Variants in MVP observed in about 807,000 individuals in gnomAD.
MVP encodes lung resistance-related protein.
MVP carries 62 observed loss-of-function variants against 83.5 expected under a neutral mutation model. The observed-to-expected ratio is 0.74, with a 90% CI of 0.61 to 0.92. The LOEUF (loss-of-function observed/expected upper bound fraction) is 0.92, where lower values mean the gene tolerates loss of function less well. Among genes scored for constraint, MVP ranks in the 40% least tolerant of loss-of-function variants. MVP has a pLI of 0.00. For missense variants in MVP, 1,000 were observed against 1,203.4 expected (o/e 0.83, Z 2.50); for synonymous variants, 505 against 504.1 (o/e 1.00, Z -0.02).
intron 11 of MVP, among the ~76,000 whole-genome samples, chr16:29,845,467 G>A (rs916107377): frequency 2.2e-4 from 33 of 151,938 alleles, no homozygotes; most frequent in Admixed American, 1.7e-3. Context: ...GCTTCCCCCC[G>A]CCCCTGAGCT....
chr16:29,846,910 C>T (rs974163821), intron 13 of MVP, among the ~76,000 whole-genome samples: 1 of 152,002 alleles, frequency 6.6e-6, no homozygotes, highest in African/African-American at 2.4e-5. Flanking sequence ...TAGTGTGGTG[C>T]CTCAGGTCTC....
intron 10 of MVP, among the ~76,000 whole-genome samples, chr16:29,843,762 C>CTGTAGTCCCAGCT (rs566700357): frequency 4.6e-5 from 7 of 152,020 alleles, no homozygotes; most frequent in Admixed American, 6.6e-5. Flanking sequence ...TTGTGGGCAC[C>CTGTAGTCCCAGCT]TGTAGTCCCA....
At chr16:29,839,685 G>A (rs1427085565) in intron 7 of MVP, among the ~76,000 whole-genome samples, 1 of 149,102 alleles carries the variant, frequency 6.7e-6, no homozygotes, top group Non-Finnish European at 1.5e-5. Context: ...TTGGGAGGCT[G>A]AGGTGGGAGG....
rs1046340849 is a variant in MVP, at chr16:29,831,147, T to C, written c.321+74T>C. Reference sequence around the variant, plus strand: ...TGCCTTGGGCTCTATACTGCTGCCTTCTTCTTCTTTTTTTCTTTTCTTTTT... The same window carrying C: ...TGCCTTGGGCTCTATACTGCTGCCTCCTTCTTCTTTTTTTCTTTTCTTTTT... On this transcript the variant is annotated intron_variant, in intron 3 of 14. Transcript: ENST00000357402. The C allele has an allele frequency of 7.3e-5, 99 of 1,349,774 alleles. 1 individual carries two copies. Among genetic ancestry groups the C allele is most frequent in the Middle Eastern group, 4.8e-4 (2 of 4,178 alleles). The allele number at this position is 1,349,774 out of a possible 1,614,324, so 83.6% of individuals were successfully genotyped here.
At position 29,840,248 on chromosome 16, in the gene MVP, C is replaced by G; in HGVS notation, c.980C>G (p.Ser327Trp). The change falls in exon 8 of 15, where the codon TCG becomes TGG. Residue 327 changes from serine (S) to tryptophan (W), a missense_variant. By Grantham distance (177) the Ser-to-Trp change is radical. Coordinates refer to ENST00000357402, the MANE Select transcript of MVP (RefSeq NM_005115.5). ...GGCATCCAGGATGTGTATGTGCTGT[C>G]GGAGCAGCAGGGGCTGCTGCTGAGG... ...EQGIQDVYVL[S>W]EQQGLLLRAL... is the part of the protein sequence containing the mutation. 1 of 1,613,960 alleles carries G rather than the reference C, an allele frequency of 6.2e-7. No homozygotes were observed. The highest frequency in any genetic ancestry group is 1.6e-4 in the Middle Eastern group (1 of 6,062).
intron 10 of MVP, among the ~76,000 whole-genome samples, chr16:29,843,558 G>A (rs1041826235): frequency 7.2e-4 from 48 of 66,634 alleles, no homozygotes; most frequent in Non-Finnish European, 1.0e-3. Context: ...GGGAGGGAGG[G>A]AGGGAGGGAG....
chr16:29,848,037 CTT>C (rs1274311466), downstream of MVP: 2 of 1,570,900 alleles, frequency 1.3e-6, no homozygotes, highest in African/African-American at 1.4e-5. Flanking sequence ...AATTTCAACA[CTT>C]TTCTCTTGTC....
chr16:29,847,776 G>C lies in MVP; in HGVS notation c.2469G>C (p.Gln823His). The stretch of plus-strand genomic sequence containing the variant: ...TCACCCTCCAGGTAAAACTGCTCCA[G>C]TCCCTGGGCCTGAAATCAACCCTCA... Reference protein sequence around the residue: ...AGPEMQVKLLQSLGLKSTLIT... With the variant: ...AGPEMQVKLLHSLGLKSTLIT... The change falls in exon 15 of 15, where the codon CAG becomes CAC. Residue 823 changes from glutamine to histidine, a missense_variant. By Grantham distance (24) the Gln-to-His change is conservative (BLOSUM62 0). Coordinates refer to ENST00000357402, the MANE Select transcript of MVP (RefSeq NM_005115.5). 6.2e-7 allele frequency: 1 copy of C among 1,614,160 alleles called. No homozygotes were observed. Among genetic ancestry groups the C allele is most frequent in the Non-Finnish European group, 8.5e-7 (1 of 1,180,032 alleles).
chr16:29,826,330 G>C (rs1341135765), intron 1 of MVP, among the ~76,000 whole-genome samples: 1 of 152,178 alleles, frequency 6.6e-6, no homozygotes, highest in East Asian at 1.9e-4. Context: ...ATAAGGGTGA[G>C]AGCCAAGATC....
intron 6 of MVP, among the ~76,000 whole-genome samples, chr16:29,836,493 C>A (rs964690058): frequency 5.9e-5 from 9 of 151,700 alleles, no homozygotes; most frequent in African/African-American, 2.2e-4. Flanking sequence ...AGGAGAATCG[C>A]TTGAACCTAG....
intron 6 of MVP, among the ~76,000 whole-genome samples, chr16:29,836,279 A>AC (rs945379871): frequency 2.0e-5 from 3 of 151,686 alleles, no homozygotes; most frequent in African/African-American, 7.3e-5. Flanking sequence ...AAAAAAAAAA[A>AC]AAAAAACAAA....
chr16:29,826,859 G>A lies in MVP; in HGVS notation c.-35-3656G>A, dbSNP rs1398281238. ...GGAGAATCATTTGAACTGGGGAGGC[G>A]GAGGTTGCGGTGAGCCGAGATTGCG... On this transcript the variant is annotated intron_variant, in intron 1 of 14. Transcript: ENST00000357402. Among the ~76,000 whole-genome samples, 11 of 151,496 alleles carry A rather than the reference G, an allele frequency of 7.3e-5. No homozygotes were observed. The East Asian group carries it at 1.9e-3, about 27-fold the overall frequency.
chr16:29,835,596 C>CT, intron 5 of MVP, 108 bp from the exon 6 acceptor site: 1 of 830,898 alleles, frequency 1.2e-6, no homozygotes, highest in Non-Finnish European at 1.9e-6. Flanking sequence ...TCAGTGCTAT[C>CT]TTTTTGCCTA....
rs774778810 is a variant in MVP, at chr16:29,844,701, G to A, written c.1843G>A (p.Asp615Asn). ...GFETSEAKGP[D>N]GMALPRPRDQ... is the part of the protein sequence containing the mutation. Reference sequence around the variant, plus strand: ...TGAGACCTCGGAAGCGAAGGGCCCCGATGGCATGGCCCTGCCCAGGCCCCG... The same window carrying A: ...TGAGACCTCGGAAGCGAAGGGCCCCAATGGCATGGCCCTGCCCAGGCCCCG... Residue 615 changes from aspartate to asparagine, a missense_variant, in exon 11 of 15, where the codon GAT becomes AAT. By Grantham distance (23) the Asp-to-Asn change is conservative. Transcript: ENST00000357402. 6.8e-6 allele frequency: 11 copies of A among 1,613,920 alleles called. No individual in the cohort carries two copies. The African/African-American group carries it at 1.1e-4, about 16-fold the overall frequency.
intron 13 of MVP, 29 bp from the exon 14 acceptor site, chr16:29,847,168 T>A (rs558358179): frequency 6.2e-7 from 1 of 1,607,464 alleles, no homozygotes; most frequent in Non-Finnish European, 8.5e-7. Context: ...GGTCAAAAAA[T>A]AAAGAATGAT....
chr16:29,833,776 A>T lies in MVP; in HGVS notation c.365A>T (p.His122Leu), dbSNP rs752196372. Residue 122 changes from histidine to leucine, a missense_variant, in exon 4 of 15, where the codon CAT (histidine) becomes CTT (leucine). By Grantham distance (99) the His-to-Leu change is moderately conservative (BLOSUM62 -3). Coordinates refer to ENST00000357402, the MANE Select transcript of MVP (RefSeq NM_005115.5). ...GTGGTTCTGCCCAACACTGCCCTCC[A>T]TCTAAAGGCGCTGCTTGATTTTGAG... ...LQVVLPNTAL[H>L]LKALLDFEDK... 1.9e-6 allele frequency: 3 copies of T among 1,613,876 alleles called. No homozygotes were observed. Among genetic ancestry groups the T allele is most frequent in the Non-Finnish European group, 2.5e-6 (3 of 1,179,970 alleles).
chr16:29,831,752 A>G (rs2067443954), intron 3 of MVP: 2 of 455,672 alleles, frequency 4.4e-6, no homozygotes, highest in Admixed American at 2.3e-5. Context: ...GTGCCAAAGC[A>G]GCAGTGACAA....
intron 1 of MVP, among the ~76,000 whole-genome samples, chr16:29,824,174 A>C (rs538551103): frequency 7.3e-6 from 1 of 137,562 alleles, no homozygotes; most frequent in Non-Finnish European, 1.5e-5. Flanking sequence ...CGAGATGGCT[A>C]CACTCCAGTC....
chr16:29,831,800 A>G (rs2067444378), intron 3 of MVP: 1 of 447,152 alleles, frequency 2.2e-6, no homozygotes, highest in South Asian at 1.6e-5. Context: ...AGGAGAAGCC[A>G]TCACAGGCCT....
Sources: allele counts gnomAD v4.1 joint callset (sites outside exome capture counted in the v4.1 genomes callset), GRCh38; gene constraint gnomAD v4.1.1; transcripts MANE v1.5; gene names NCBI Gene and HGNC (gene_info 2026-07-23, HGNC 2026-07-21).